LANCL2: variants seen among roughly 807,000 people sequenced by gnomAD.
The protein encoded by LANCL2 is lanC-like protein 2.
In LANCL2, 33 loss-of-function variants were observed where a neutral mutation model predicts 56.9. The observed-to-expected ratio is 0.58, with a 90% CI of 0.44 to 0.78. The LOEUF (loss-of-function observed/expected upper bound fraction) is 0.78, where lower values mean the gene tolerates loss of function less well. Among genes scored for constraint, LANCL2 ranks in the 30% least tolerant of loss-of-function variants. LANCL2 has a pLI of 0.00. For missense variants in LANCL2, 562 were observed against 580.2 expected, an observed-to-expected ratio of 0.97 and a Z score of 0.32; for synonymous variants, 233 against 228.2, an observed-to-expected ratio of 1.02 and a Z score of -0.19.
intron 5 of LANCL2, among the ~76,000 whole-genome samples, chr7:55,410,861 CAT>C (rs940729082): frequency 2.0e-5 from 3 of 151,648 alleles, no homozygotes; most frequent in Non-Finnish European, 2.9e-5. Context: ...CTAAGGATGT[CAT>C]GTGCTAATGT....
At chr7:55,429,628 C>T (rs1790706134) in intron 8 of LANCL2, among the ~76,000 whole-genome samples, 1 of 152,168 alleles carries the variant, frequency 6.6e-6, no homozygotes, top group Non-Finnish European at 1.5e-5. Flanking sequence ...ATTCAGAGAA[C>T]TCATAAGGAA....
At chr7:55,372,389 A>G (rs1789953155) in intron 1 of LANCL2, among the ~76,000 whole-genome samples, 1 of 152,208 alleles carries the variant, frequency 6.6e-6, no homozygotes, top group Admixed American at 6.5e-5. Flanking sequence ...TTAACCACAC[A>G]CTGAACCTTG....
rs144775089 is a variant in LANCL2, at chr7:55,366,571, C to T, written c.204+342C>T. 5.8e-3 allele frequency among the ~76,000 whole-genome samples: 888 copies of T among 152,286 alleles called. 5 individuals carry two copies. Among genetic ancestry groups the T allele is most frequent in the African/African-American group, 0.018 (765 of 41,572 alleles). ...CCTCCCGCCCCTGCGCGGCGGAGCG[C>T]TCCGCCGGCTACCTGCTCCTCAGAA... On this transcript the variant is annotated intron_variant, in intron 1 of 8. Coordinates refer to ENST00000254770, the MANE Select transcript of LANCL2 (RefSeq NM_018697.4).
chr7:55,375,255 A>T (rs1365333534), intron 1 of LANCL2, among the ~76,000 whole-genome samples: 1 of 152,230 alleles, frequency 6.6e-6, no homozygotes, highest in East Asian at 1.9e-4. Flanking sequence ...TAGCAGTTGT[A>T]TTTCCTCAAA....
intron 6 of LANCL2, among the ~76,000 whole-genome samples, chr7:55,414,862 T>TA (rs1255724899): frequency 3.3e-5 from 5 of 151,150 alleles, no homozygotes. Flanking sequence ...CACGCACCTG[T>TA]AGTCCCAGGT....
chr7:55,381,611 G>C (rs1790069548), intron 1 of LANCL2, among the ~76,000 whole-genome samples: 1 of 152,222 alleles, frequency 6.6e-6, no homozygotes, highest in Non-Finnish European at 1.5e-5. Flanking sequence ...CAGGAACATA[G>C]TGTGAGAGAG....
intron 3 of LANCL2, 56 bp downstream of exon 3, chr7:55,398,686 T>A: frequency 7.8e-7 from 1 of 1,281,944 alleles, no homozygotes; most frequent in Non-Finnish European, 1.1e-6. Context: ...GCTCTTGCTG[T>A]AGAAAGATAT....
intron 1 of LANCL2, among the ~76,000 whole-genome samples, chr7:55,378,230 T>G (rs1016747275): frequency 6.6e-6 from 1 of 152,120 alleles, no homozygotes; most frequent in Admixed American, 6.6e-5. Context: ...GAGGCTGAGG[T>G]GGGTGGATCA....
chr7:55,424,027 T>C lies in LANCL2; in HGVS notation c.1009-1227T>C, dbSNP rs568121259. Among the ~76,000 whole-genome samples the C allele has an allele frequency of 3.3e-4, 51 of 152,284 alleles. 1 individual carries two copies. Among genetic ancestry groups the C allele is most frequent in the African/African-American group, 1.2e-3 (49 of 41,560 alleles). On this transcript the variant is annotated intron_variant, in intron 6 of 8. Coordinates refer to ENST00000254770, the MANE Select transcript of LANCL2 (RefSeq NM_018697.4). ...TTTTCCTGAGGCCTCAGAGCCCTTC[T>C]CGGCTGAGTGTCCAGCTCATCAGTC...
At chr7:55,417,829 C>T (rs1013015946) in intron 6 of LANCL2, among the ~76,000 whole-genome samples, 6 of 152,110 alleles carry the variant, frequency 3.9e-5, no homozygotes, top group African/African-American at 2.4e-5. Context: ...CAGGTGCCCA[C>T]CACCATACCC....
At chr7:55,415,243 A>G (rs1790514602) in intron 6 of LANCL2, among the ~76,000 whole-genome samples, 1 of 152,202 alleles carries the variant, frequency 6.6e-6, no homozygotes, top group Non-Finnish European at 1.5e-5. Flanking sequence ...CAATGTCCAA[A>G]AAAAGCATAT....
chr7:55,397,460 C>CAAAAAAAAAAAAAAAAAAAACAAAAAAA (rs35547837), intron 2 of LANCL2, among the ~76,000 whole-genome samples: 1 of 90,356 alleles, frequency 1.1e-5, no homozygotes, highest in Non-Finnish European at 2.1e-5. Context: ...GACTCTGTCT[C>CAAAAAAAAAAAAAAAAAAAACAAAAAAA]AAAAAAAAAA....
At chr7:55,383,810 C>G (rs751208144) in intron 1 of LANCL2, among the ~76,000 whole-genome samples, 5 of 151,886 alleles carry the variant, frequency 3.3e-5, no homozygotes, top group Admixed American at 6.6e-5. Flanking sequence ...GCACTCCATA[C>G]TGGGCAAGAG....
intron 3 of LANCL2, among the ~76,000 whole-genome samples, chr7:55,399,595 G>A (rs371503456): frequency 1.2e-4 from 18 of 152,076 alleles, no homozygotes; most frequent in African/African-American, 4.3e-4. Context: ...CACCTACCTC[G>A]GCCTCCCAAA....
chr7:55,407,043 G>A (rs575488273), intron 5 of LANCL2, among the ~76,000 whole-genome samples: 4 of 152,288 alleles, frequency 2.6e-5, no homozygotes, highest in Middle Eastern at 3.4e-3. Flanking sequence ...GTGGGCTTGG[G>A]GGACTCTCTG....
At chr7:55,405,379 A>G (rs1194468094) in intron 5 of LANCL2, among the ~76,000 whole-genome samples, 1 of 152,180 alleles carries the variant, frequency 6.6e-6, no homozygotes, top group Non-Finnish European at 1.5e-5. Flanking sequence ...TCTCAACTGG[A>G]AACACCTTTA....
intron 1 of LANCL2, among the ~76,000 whole-genome samples, chr7:55,389,222 G>GC (rs1276463315): frequency 5.3e-5 from 8 of 152,136 alleles, no homozygotes; most frequent in African/African-American, 1.9e-4. Flanking sequence ...AAAAAATACA[G>GC]CCTAGAGGTG....
At chr7:55,370,283 C>G (rs565557262) in intron 1 of LANCL2, among the ~76,000 whole-genome samples, 1 of 152,288 alleles carries the variant, frequency 6.6e-6, no homozygotes, top group African/African-American at 2.4e-5. Flanking sequence ...TGCAAGAGCA[C>G]CCAAGATGGA....
At chr7:55,393,243 C>G (rs1299859198) in intron 2 of LANCL2, among the ~76,000 whole-genome samples, 1 of 152,092 alleles carries the variant, frequency 6.6e-6, no homozygotes, top group Non-Finnish European at 1.5e-5. Flanking sequence ...AATTAATAAA[C>G]AGCATAGGCC....
Sources: allele counts gnomAD v4.1 joint callset (sites outside exome capture counted in the v4.1 genomes callset), GRCh38; gene constraint gnomAD v4.1.1; transcripts MANE v1.5; gene names NCBI Gene and HGNC (gene_info 2026-07-23, HGNC 2026-07-21).